STAB2: variants seen among roughly 807,000 people sequenced by gnomAD.
STAB2 encodes stabilin 2.
STAB2 carries 288 observed loss-of-function variants against 338.1 expected under a neutral mutation model. The observed-to-expected ratio is 0.85, with a 90% CI of 0.77 to 0.94. STAB2 has a LOEUF of 0.94. Ranked by LOEUF, STAB2 falls within the 40% of genes least tolerant of loss-of-function variation. The pLI is 0.00. For synonymous variants in STAB2, 1,202 were observed against 1,193.3 expected (o/e 1.01, Z -0.15); for missense variants, 3,141 against 3,210.1 (o/e 0.98, Z 0.52).
intron 31 of STAB2, 87 bp from the exon 32 acceptor site, chr12:103,695,463 G>T (rs1389148278): frequency 8.3e-7 from 1 of 1,208,770 alleles, no homozygotes; most frequent in South Asian, 1.4e-5. Flanking sequence ...GTCTAAAGAG[G>T]TTAATGGCAT....
At position 103,766,295 on chromosome 12, in the gene STAB2, G is replaced by A. The variant is rs1566090314; in HGVS notation, c.7615G>A (p.Glu2539Lys). Reference sequence around the variant, plus strand: ...ACCCTCTCTTTTCCAGGACTCTGAAGAACGGCAGCTTGAGGGCAATGACCC... The same window carrying A: ...ACCCTCTCTTTTCCAGGACTCTGAAAAACGGCAGCTTGAGGGCAATGACCC... ...PSYDPFTDSEERQLEGNDPLR... is the reference protein window; with the variant it reads ...PSYDPFTDSEKRQLEGNDPLR... The change falls in exon 69 of 69, where the codon GAA becomes AAA. Residue 2539 changes from glutamate to lysine, a missense_variant. Transcript: ENST00000388887. 1 of 1,614,138 alleles carries A rather than the reference G, an allele frequency of 6.2e-7. No homozygotes were observed. The highest frequency in any genetic ancestry group is 1.1e-5 in the South Asian group (1 of 91,070).
chr12:103,711,249 C>T, intron 39 of STAB2: 1 of 590,446 alleles, frequency 1.7e-6, no homozygotes, highest in Non-Finnish European at 3.0e-6. Flanking sequence ...TAGCACAGGG[C>T]CTGGCAAACA....
intron 3 of STAB2, among the ~76,000 whole-genome samples, chr12:103,612,271 G>A (rs1029297496): frequency 3.3e-5 from 5 of 152,204 alleles, no homozygotes; most frequent in African/African-American, 7.2e-5. Context: ...ATAATATCCT[G>A]CAGAGTGTTT....
In STAB2 at chr12:103,725,035, T is replaced by G. The variant is rs772204845; in HGVS notation, c.4744T>G (p.Cys1582Gly). ...CCACACTGGGCAAGTAGAAAGGACT[T>G]GTACTTGCAAGCCAAACTACATTGG... ...CNHTGQVERTCTCKPNYIGDG... is the reference protein window; with the variant it reads ...CNHTGQVERTGTCKPNYIGDG... Residue 1582 changes from cysteine to glycine, a missense_variant, in exon 45 of 69, where the codon TGT becomes GGT. Cys to Gly is a radical substitution (Grantham distance 159). Transcript: ENST00000388887. 1 of 1,614,066 alleles carries G rather than the reference T, an allele frequency of 6.2e-7. No individual in the cohort carries two copies. Among genetic ancestry groups the G allele is most frequent in the Non-Finnish European group, 8.5e-7 (1 of 1,179,912 alleles).
At chr12:103,591,484 C>G (rs1956797468) in intron 2 of STAB2, among the ~76,000 whole-genome samples, 1 of 152,042 alleles carries the variant, frequency 6.6e-6, no homozygotes, top group South Asian at 2.1e-4. Context: ...AACTATATCT[C>G]AAAAAATAAA....
chr12:103,755,675 T>C lies in STAB2; in HGVS notation c.6944T>C (p.Leu2315Pro), dbSNP rs1884049099. The C allele has an allele frequency of 6.2e-7, 1 of 1,614,072 alleles. No individual in the cohort carries two copies. The highest frequency in any genetic ancestry group is 8.5e-7 in the Non-Finnish European group (1 of 1,180,042). Residue 2315 changes from leucine (L) to proline (P), a missense_variant, in exon 63 of 69, where the codon CTG (leucine) becomes CCG (proline). By Grantham distance (98) the Leu-to-Pro change is moderately conservative. Coordinates refer to ENST00000388887, the MANE Select transcript of STAB2 (RefSeq NM_017564.10). ...GDGFSCSGNL[L>P]QVLMSFPSLT... ...GGCTTCTCATGCAGTGGGAACCTGCTGCAGGTCCTGATGTCCTTCCCCTCA... is the reference window on the plus strand; with the variant it reads ...GGCTTCTCATGCAGTGGGAACCTGCCGCAGGTCCTGATGTCCTTCCCCTCA...
intron 41 of STAB2, 98 bp downstream of exon 41, chr12:103,712,541 G>T (rs1427373884): frequency 1.5e-5 from 13 of 895,552 alleles, no homozygotes; most frequent in Non-Finnish European, 2.0e-5. Flanking sequence ...TCAGCAGCTG[G>T]TGCCAACCAC....
intron 65 of STAB2, 118 bp downstream of exon 65, chr12:103,759,391 G>C (rs1261792104): frequency 7.1e-7 from 1 of 1,409,348 alleles, no homozygotes; most frequent in Admixed American, 2.5e-5. Context: ...TAAACCTGCA[G>C]ATAGGGGACG....
At chr12:103,648,942 G>A in intron 10 of STAB2, 119 bp downstream of exon 10, 1 of 1,411,880 alleles carries the variant, frequency 7.1e-7, no homozygotes, top group Non-Finnish European at 9.5e-7. Context: ...CAGCCTTTTT[G>A]GAGGGGTCAT....
intron 60 of STAB2, among the ~76,000 whole-genome samples, chr12:103,752,563 G>T (rs1487735871): frequency 6.6e-6 from 1 of 152,128 alleles, no homozygotes; most frequent in Non-Finnish European, 1.5e-5. Context: ...CAGTATCTTA[G>T]GGGGAAATGA....
chr12:103,731,586 C>A lies in STAB2; in HGVS notation c.5234C>A (p.Thr1745Lys), dbSNP rs777295863. The change falls in exon 50 of 69, where the codon ACG becomes AAG. Residue 1745 changes from threonine (T) to lysine (K), a missense_variant. Thr to Lys is a moderately conservative substitution (Grantham distance 78, BLOSUM62 -1). Coordinates refer to ENST00000388887, the MANE Select transcript of STAB2 (RefSeq NM_017564.10). ...DNSGRILQNL[T>K]TLATNNGYIK... ...TTATTATCTTTGCAGCAAAATCTTA[C>A]GACTTTGGCAACAAACAATGGCTAC... 1.2e-4 allele frequency: 190 copies of A among 1,613,510 alleles called. No individual in the cohort carries two copies. The highest frequency in any genetic ancestry group is 1.5e-4 in the Non-Finnish European group (181 of 1,179,892).
intron 3 of STAB2, among the ~76,000 whole-genome samples, chr12:103,614,351 G>A (rs778716126): frequency 4.9e-4 from 74 of 152,202 alleles, no homozygotes; most frequent in Non-Finnish European, 4.6e-4. Flanking sequence ...TTAGCACCTG[G>A]TGGATAAGTT....
intron 63 of STAB2, among the ~76,000 whole-genome samples, chr12:103,757,009 A>AT (rs1342015172): frequency 3.2e-5 from 1 of 31,684 alleles, no homozygotes; most frequent in Non-Finnish European, 7.3e-5. Context: ...ATATATATAT[A>AT]TATATATATA....
chr12:103,676,266 T>C (rs559726307), intron 24 of STAB2, among the ~76,000 whole-genome samples: 65 of 151,952 alleles, frequency 4.3e-4, no homozygotes, highest in Non-Finnish European at 7.1e-4. Flanking sequence ...ACCATGTTGG[T>C]CAGGCTGGTC....
rs1347271962 is a variant in STAB2 at position 103,652,514 on chromosome 12, TTTC to T, written c.1258-35_1258-33del. The T allele has an allele frequency of 2.6e-6, 4 of 1,517,400 alleles. No individual in the cohort carries two copies. In the African/African-American group the frequency reaches 5.6e-5, roughly 21 times the overall value. 94.0% of individuals were successfully genotyped at this position (1,517,400 alleles called of 1,614,324 possible). On this transcript the variant is annotated intron_variant, in intron 11 of 68. Coordinates refer to ENST00000388887, the MANE Select transcript of STAB2 (RefSeq NM_017564.10). Reference sequence around the variant, plus strand: ...GCACAGCATGTGTTACAAAACTCATTTTCTTCTTCAAATAATAGTAAAATTGGC... The same window carrying T: ...GCACAGCATGTGTTACAAAACTCATTTTCTTCAAATAATAGTAAAATTGGC...
chr12:103,613,129 G>T (rs1957152905), intron 3 of STAB2, among the ~76,000 whole-genome samples: 1 of 152,184 alleles, frequency 6.6e-6, no homozygotes, highest in South Asian at 2.1e-4. Context: ...GGCTACTTGG[G>T]GGTCAGGGAC....
chr12:103,656,230 T>C (rs1435880855), intron 15 of STAB2, among the ~76,000 whole-genome samples: 1 of 152,226 alleles, frequency 6.6e-6, no homozygotes, highest in Non-Finnish European at 1.5e-5. Flanking sequence ...GAATGTCAAA[T>C]AGTGGAATTA....
chr12:103,726,720 C>G (rs1881233995), intron 46 of STAB2, among the ~76,000 whole-genome samples: 1 of 151,920 alleles, frequency 6.6e-6, no homozygotes, highest in South Asian at 2.1e-4. Flanking sequence ...CATCATACAT[C>G]TGAATGAGAT....
Position 103,730,276 on chromosome 12 carries a change from T to A in STAB2, c.5223+20T>A. On this transcript the variant is annotated intron_variant, in intron 49 of 68. Transcript: ENST00000388887. ...ATTCTGGTAGGTAAACTCTCTGTTATGTTTTCAGCCTGGAGTGACTCAATA... is the reference window on the plus strand; with the variant it reads ...ATTCTGGTAGGTAAACTCTCTGTTAAGTTTTCAGCCTGGAGTGACTCAATA... 1 of 1,613,164 alleles carries A rather than the reference T, an allele frequency of 6.2e-7. No individual in the cohort carries two copies. The highest frequency in any genetic ancestry group is 8.5e-7 in the Non-Finnish European group (1 of 1,179,448).
Sources: allele counts gnomAD v4.1 joint callset (sites outside exome capture counted in the v4.1 genomes callset), GRCh38; gene constraint gnomAD v4.1.1; transcripts MANE v1.5; gene names NCBI Gene and HGNC (gene_info 2026-07-23, HGNC 2026-07-21).